The following RUNX2 variants were observed in gnomAD, a reference collection of about 807,000 sequenced individuals.
RUNX2 encodes RUNX family transcription factor 2.
RUNX2 carries 10 observed loss-of-function variants against 51.7 expected under a neutral mutation model. The observed-to-expected ratio is 0.19, with a 90% CI of 0.12 to 0.33. RUNX2 has a LOEUF of 0.33. Ranked by LOEUF, RUNX2 falls within the 10% of genes least tolerant of loss-of-function variation. The pLI is 1.00. For synonymous variants in RUNX2, 276 were observed against 273.6 expected (o/e 1.01, Z -0.09); for missense variants, 562 against 691.3 (o/e 0.81, Z 2.10).
At chr6:45,541,150 C>G (rs1375970421) in intron 7 of RUNX2, among the ~76,000 whole-genome samples, 4 of 151,788 alleles carry the variant, frequency 2.6e-5, no homozygotes, top group Non-Finnish European at 5.9e-5. Flanking sequence ...ATTTATCCAT[C>G]CAACCATGCA....
intron 2 of RUNX2, among the ~76,000 whole-genome samples, chr6:45,400,430 C>T (rs1582072316): frequency 6.6e-6 from 1 of 152,306 alleles, no homozygotes; most frequent in Non-Finnish European, 1.5e-5. Flanking sequence ...CCTCTAGTTC[C>T]AGTAAATGGT....
chr6:45,359,776 G>T (rs1056345727), intron 2 of RUNX2, among the ~76,000 whole-genome samples: 2 of 152,194 alleles, frequency 1.3e-5, no homozygotes, highest in African/African-American at 4.8e-5. Context: ...GGGCGCAGAG[G>T]CTTATGCTTC....
intron 4 of RUNX2, among the ~76,000 whole-genome samples, chr6:45,435,640 G>C (rs1190721678): frequency 2.0e-5 from 3 of 152,196 alleles, no homozygotes; most frequent in African/African-American, 7.2e-5. Flanking sequence ...TTACAGGCGT[G>C]AGCCACCGCG....
intron 6 of RUNX2, among the ~76,000 whole-genome samples, chr6:45,500,114 C>T (rs1457610320): frequency 6.6e-6 from 1 of 152,064 alleles, no homozygotes; most frequent in Non-Finnish European, 1.5e-5. Flanking sequence ...GTTAGGCCTG[C>T]GCTTTGTGCA....
chr6:45,404,869 A>G (rs566510269), intron 2 of RUNX2, among the ~76,000 whole-genome samples: 32 of 152,396 alleles, frequency 2.1e-4, no homozygotes, highest in African/African-American at 7.0e-4. Flanking sequence ...AGTTATAACT[A>G]TACGAACCAG....
chr6:45,503,474 G>A (rs1296220468), intron 6 of RUNX2, among the ~76,000 whole-genome samples: 1 of 152,094 alleles, frequency 6.6e-6, no homozygotes, highest in African/African-American at 2.4e-5. Flanking sequence ...CTGATTTCCT[G>A]GATGTTGACA....
rs1274297053 is a variant in RUNX2 at position 45,368,131 on chromosome 6, T to C, written c.58+39347T>C. Among the ~76,000 whole-genome samples, 4 of 152,194 alleles carry C rather than the reference T, an allele frequency of 2.6e-5. No homozygotes were observed. The East Asian group carries it at 5.8e-4, about 22-fold the overall frequency. ...TGAAAACCTACTGTAATCTTTTCAA[T>C]GGGTTAATGTCCTGCAGTTGTTTCA... On this transcript the variant is annotated intron_variant, in intron 2 of 8. Transcript: ENST00000647337.
At chr6:45,375,804 T>G (rs1463330901) in intron 2 of RUNX2, among the ~76,000 whole-genome samples, 1 of 152,024 alleles carries the variant, frequency 6.6e-6, no homozygotes, top group African/African-American at 2.4e-5. Context: ...ATTTTCAAAT[T>G]TGACTTTATA....
At chr6:45,485,693 G>GTATATATATATA (rs1257977356) in intron 5 of RUNX2, among the ~76,000 whole-genome samples, 41 of 101,862 alleles carry the variant, frequency 4.0e-4, no homozygotes, top group Middle Eastern at 0.011. Context: ...GTGTGTGTGT[G>GTATATATATATA]TGTGTATATA....
intron 4 of RUNX2, among the ~76,000 whole-genome samples, chr6:45,435,382 G>C (rs1798653752): frequency 6.6e-6 from 1 of 152,060 alleles, no homozygotes; most frequent in Admixed American, 6.5e-5. Flanking sequence ...TTTTGAGATG[G>C]AGTCTCACTC....
At chr6:45,340,079 A>G (rs916054766) in intron 2 of RUNX2, among the ~76,000 whole-genome samples, 1 of 152,214 alleles carries the variant, frequency 6.6e-6, no homozygotes, top group African/African-American at 2.4e-5. Context: ...ACCACTTTAC[A>G]GTGTTATACA....
At chr6:45,334,111 A>G (rs566174224) in intron 2 of RUNX2, among the ~76,000 whole-genome samples, 1 of 151,274 alleles carries the variant, frequency 6.6e-6, no homozygotes, top group Non-Finnish European at 1.5e-5. Context: ...CCTATTGCCA[A>G]TTCTCTTAAT....
intron 6 of RUNX2, among the ~76,000 whole-genome samples, chr6:45,506,400 T>C (rs1335004047): frequency 6.6e-6 from 1 of 152,134 alleles, no homozygotes; most frequent in Non-Finnish European, 1.5e-5. Flanking sequence ...GAGAAGTTGG[T>C]GGAGAAATAA....
intron 2 of RUNX2, chr6:45,422,306 A>C (rs2150361834): frequency 3.2e-4 from 103 of 322,086 alleles, no homozygotes; most frequent in East Asian, 5.1e-4. Flanking sequence ...CGCAGCTGCC[A>C]CCCCGGGTGT....
chr6:45,365,673 C>G (rs1309605806), intron 2 of RUNX2, among the ~76,000 whole-genome samples: 2 of 147,014 alleles, frequency 1.4e-5, no homozygotes, highest in East Asian at 3.9e-4. Context: ...CTAGATGGAC[C>G]CCAAGCACAA....
intron 2 of RUNX2, among the ~76,000 whole-genome samples, chr6:45,335,156 T>G (rs1788303168): frequency 6.6e-6 from 1 of 151,254 alleles, no homozygotes; most frequent in Non-Finnish European, 1.5e-5. Flanking sequence ...TTTCTAATTT[T>G]TCTATGATAA....
intron 6 of RUNX2, among the ~76,000 whole-genome samples, chr6:45,507,641 A>T (rs1801013552): frequency 6.6e-6 from 1 of 152,260 alleles, no homozygotes; most frequent in Admixed American, 6.5e-5. Context: ...GTTAAAGTGT[A>T]CAGTATTTGA....
chr6:45,499,764 A>G lies in RUNX2; in HGVS notation c.859+7650A>G, dbSNP rs140210420. Among the ~76,000 whole-genome samples the G allele has an allele frequency of 3.1e-3, 479 of 152,288 alleles. 4 individuals carry two copies. Among genetic ancestry groups the G allele is most frequent in the African/African-American group, 0.01 (431 of 41,556 alleles). ...TTGTGATAAGAAGGGTTCATCTCCT[A>G]TATAATGCCTCATTTTATCCTTCTT... On this transcript the variant is annotated intron_variant, in intron 6 of 8. Transcript: ENST00000647337.
intron 7 of RUNX2, among the ~76,000 whole-genome samples, chr6:45,521,742 T>C (rs1179487091): frequency 6.6e-6 from 1 of 152,182 alleles, no homozygotes; most frequent in Non-Finnish European, 1.5e-5. Context: ...CTGTATAGTA[T>C]GGTTGCAGGT....
Sources: allele counts gnomAD v4.1 joint callset (sites outside exome capture counted in the v4.1 genomes callset), GRCh38; gene constraint gnomAD v4.1.1; transcripts MANE v1.5; gene names NCBI Gene and HGNC (gene_info 2026-07-23, HGNC 2026-07-21).